Variants in MED21 observed in about 807,000 individuals in gnomAD.
The protein encoded by MED21 is mediator complex subunit 21.
Under a neutral mutation model 18.2 loss-of-function variants are expected in MED21, and 9 were observed. The ratio of observed to expected loss-of-function variants is 0.49; its 90% CI spans 0.30 to 0.86. The LOEUF (loss-of-function observed/expected upper bound fraction) is 0.86, where lower values mean the gene tolerates loss of function less well. MED21 is among the 40% of genes least tolerant of loss of function. The pLI, the probability that MED21 is intolerant of heterozygous loss-of-function variation, is 0.07. For missense variants in MED21, 150 were observed against 170.9 expected (o/e 0.88, Z 0.68); for synonymous variants, 73 against 60.5 (o/e 1.21, Z -0.96).
rs760868894 is a variant in MED21 at position 27,028,476 on chromosome 12, A to G, written c.*15A>G. The G allele has an allele frequency of 1.1e-5, 18 of 1,605,562 alleles. No homozygotes were observed. Among genetic ancestry groups the G allele is most frequent in the Non-Finnish European group, 1.5e-5 (18 of 1,174,496 alleles). On this transcript the variant is annotated 3_prime_UTR_variant, in exon 4 of 4. Transcript: ENST00000282892. The stretch of plus-strand genomic sequence containing the variant: ...CAGACTCATAGCATCAGTGGATACC[A>G]TGTGGCTGAGAAAAGAACTGTTTGA...
At chr12:27,023,300 C>CTTTTTTTTTTTTTTTTTTTT (rs71437317) in intron 1 of MED21, among the ~76,000 whole-genome samples, 47 of 110,428 alleles carry the variant, frequency 4.3e-4, no homozygotes, top group African/African-American at 7.2e-4. Context: ...TTTTTCTTTT[C>CTTTTTTTTTTTTTTTTTTTT]TTTTTTTTTT....
Position 27,026,409 on chromosome 12 carries a change from T to C in MED21, c.43-11T>C, listed in dbSNP as rs1398404819. 6.3e-7 allele frequency: 1 copy of C among 1,584,620 alleles called. No homozygotes were observed. On this transcript the variant is annotated splice_polypyrimidine_tract_variant and intron_variant, in intron 1 of 3. Transcript: ENST00000282892. ...TCCTTTCTAACCTTGATATGTTTTC[T>C]TTGGCCTAAGCTTGCAGATCAGTTT... is the stretch of plus-strand genomic sequence containing the variant.
At chr12:27,033,720 T>C (rs1267429317), downstream of MED21, among the ~76,000 whole-genome samples, 1 of 152,008 alleles carries the variant, frequency 6.6e-6, no homozygotes, top group Non-Finnish European at 1.5e-5. Flanking sequence ...TAAAGATGAA[T>C]AGTAAAAATC....
At chr12:27,024,817 A>G (rs1267993527) in intron 1 of MED21, among the ~76,000 whole-genome samples, 1 of 152,214 alleles carries the variant, frequency 6.6e-6, no homozygotes, top group Non-Finnish European at 1.5e-5. Context: ...ATGGAAAAAC[A>G]GTATGTGGTT....
chr12:27,031,932 C>G (rs886283518), downstream of MED21, among the ~76,000 whole-genome samples: 5 of 152,110 alleles, frequency 3.3e-5, no homozygotes, highest in African/African-American at 1.2e-4. Context: ...ACTTGGAAAG[C>G]TGTGTGGATA....
At chr12:27,027,073 C>T (rs1423558200) in intron 2 of MED21, among the ~76,000 whole-genome samples, 1 of 152,140 alleles carries the variant, frequency 6.6e-6, no homozygotes. Context: ...GGATTACAGG[C>T]TCATGCCACC....
chr12:27,034,472 G>A (rs1019402134), downstream of MED21, among the ~76,000 whole-genome samples: 4 of 152,152 alleles, frequency 2.6e-5, no homozygotes, highest in Non-Finnish European at 5.9e-5. Flanking sequence ...GATAAACAAG[G>A]TCTCACTCTT....
At chr12:27,023,286 G>C (rs1434993200) in intron 1 of MED21, among the ~76,000 whole-genome samples, 1 of 105,384 alleles carries the variant, frequency 9.5e-6, no homozygotes, top group Non-Finnish European at 1.9e-5. Flanking sequence ...GCTTATTTGA[G>C]TCTTTTTTCT....
rs1341238573 is a variant in MED21 at position 27,030,386 on chromosome 12, C to T, written c.*1925C>T. The T allele has an allele frequency of 1.6e-4, 62 of 394,954 alleles. No homozygotes were observed. The South Asian group carries it at 2.7e-3, about 17-fold the overall frequency. 24.5% of individuals were successfully genotyped at this position (394,954 alleles called of 1,614,324 possible). On this transcript the variant is annotated 3_prime_UTR_variant, in exon 4 of 4. Coordinates refer to ENST00000282892, the MANE Select transcript of MED21 (RefSeq NM_004264.5). ...CTAACCTCAAGATATTAATACTATA[C>T]AGTAGACTATAAGAAATTAAGTATT...
chr12:27,029,382 T>C lies in MED21; in HGVS notation c.*921T>C. 4.1e-6 allele frequency: 4 copies of C among 985,432 alleles called. No individual in the cohort carries two copies. The highest frequency in any genetic ancestry group is 4.8e-6 in the Non-Finnish European group (4 of 829,918). The allele number at this position is 985,432 out of a possible 1,614,324, so 61.0% of individuals were successfully genotyped here. On this transcript the variant is annotated 3_prime_UTR_variant, in exon 4 of 4. Transcript: ENST00000282892. ...CAGCATTTTCAACTATGGTTATTCA[T>C]CCAACCCTTGGATCTCTTTGAGTCT...
intron 2 of MED21, among the ~76,000 whole-genome samples, chr12:27,027,091 G>C (rs1449549752): frequency 6.6e-6 from 1 of 152,082 alleles, no homozygotes; most frequent in African/African-American, 2.4e-5. Flanking sequence ...ACCACGTCTG[G>C]CTAATTTTTG....
rs1941574216 is a variant in MED21 at position 27,028,479 on chromosome 12, T to G, written c.*18T>G. The G allele has an allele frequency of 6.2e-7, 1 of 1,605,576 alleles. No homozygotes were observed. Among genetic ancestry groups the G allele is most frequent in the Non-Finnish European group, 8.5e-7 (1 of 1,174,462 alleles). On this transcript the variant is annotated 3_prime_UTR_variant, in exon 4 of 4. Coordinates refer to ENST00000282892, the MANE Select transcript of MED21 (RefSeq NM_004264.5). ...ACTCATAGCATCAGTGGATACCATG[T>G]GGCTGAGAAAAGAACTGTTTGAGTG...
chr12:27,026,681 T>A (rs1941549297), intron 2 of MED21, 147 bp downstream of exon 2: 1 of 684,836 alleles, frequency 1.5e-6, no homozygotes, highest in Non-Finnish European at 2.5e-6. Flanking sequence ...TTGTAAAAAA[T>A]TTACAGTCAA....
At chr12:27,033,030 GA>G (rs1941629949), downstream of MED21, among the ~76,000 whole-genome samples, 1 of 152,024 alleles carries the variant, frequency 6.6e-6, no homozygotes, top group South Asian at 2.1e-4. Context: ...CCCTGTAAGA[GA>G]AAAAGAGAAA....
downstream of MED21, among the ~76,000 whole-genome samples, chr12:27,034,967 T>C (rs1941640361): frequency 6.6e-6 from 1 of 152,212 alleles, no homozygotes; most frequent in African/African-American, 2.4e-5. Flanking sequence ...ACCAGGCTAG[T>C]CTTGAATTCC....
chr12:27,031,495 A>G (rs1288750839), downstream of MED21, among the ~76,000 whole-genome samples: 2 of 152,222 alleles, frequency 1.3e-5, no homozygotes, highest in South Asian at 2.1e-4. Context: ...TCTGGGCATT[A>G]GTTAACAAAC....
intron 1 of MED21, among the ~76,000 whole-genome samples, chr12:27,025,451 T>A (rs1007037612): frequency 9.9e-5 from 15 of 152,284 alleles, no homozygotes; most frequent in African/African-American, 3.6e-4. Context: ...AATGTTTTGA[T>A]CAGGTTAAAA....
rs1331081201 is a variant in MED21 at position 27,029,957 on chromosome 12, A to G, written c.*1496A>G. On this transcript the variant is annotated 3_prime_UTR_variant, in exon 4 of 4. Transcript: ENST00000282892. The stretch of plus-strand genomic sequence containing the variant: ...AGAATTCAAGGGAAGCTTTTTAAAA[A>G]GAAGGGAAGTTATAGCAGAAGGAAA... 1 of 297,778 alleles carries G rather than the reference A, an allele frequency of 3.4e-6. No homozygotes were observed. The highest frequency in any genetic ancestry group is 2.3e-5 in the African/African-American group (1 of 44,050). 18.4% of individuals were successfully genotyped at this position (297,778 alleles called of 1,614,324 possible).
intron 3 of MED21, among the ~76,000 whole-genome samples, chr12:27,027,971 T>C (rs1941566785): frequency 6.6e-6 from 1 of 152,222 alleles, no homozygotes; most frequent in Non-Finnish European, 1.5e-5. Context: ...AAACCTCTTA[T>C]TTTCCTCAAT....
Sources: allele counts gnomAD v4.1 joint callset (sites outside exome capture counted in the v4.1 genomes callset), GRCh38; gene constraint gnomAD v4.1.1; transcripts MANE v1.5; gene names NCBI Gene and HGNC (gene_info 2026-07-23, HGNC 2026-07-21).